ABLIM1: variants seen among roughly 807,000 people sequenced by gnomAD.
ABLIM1 encodes actin binding LIM protein 1, also known as actin-binding LIM protein 1.
In ABLIM1, 40 loss-of-function variants were observed where a neutral mutation model predicts 107.0. The observed-to-expected ratio is 0.37, with a 90% CI of 0.29 to 0.49. The LOEUF (loss-of-function observed/expected upper bound fraction) is 0.49, where lower values mean the gene tolerates loss of function less well. Among genes scored for constraint, ABLIM1 ranks in the 20% least tolerant of loss-of-function variants. ABLIM1 has a pLI of 0.97. For missense variants in ABLIM1, 857 were observed against 1,008.5 expected (o/e 0.85, Z 2.04); for synonymous variants, 357 against 357.3 (o/e 1.00, Z 0.01).
chr10:114,480,903 GGA>G (rs2134347289), intron 8 of ABLIM1, among the ~76,000 whole-genome samples: 1 of 152,304 alleles, frequency 6.6e-6, no homozygotes, highest in South Asian at 2.1e-4. Flanking sequence ...CAGTTCAACA[GGA>G]GAGATAAAAC....
rs115966261 is a variant in ABLIM1, at chr10:114,617,047, T to C, written c.245-15086A>G. Reference sequence around the variant, plus strand: ...TCATTTATAAACACGACTTACTTTTTAGGCAAACCTATGAAATCCTGAAGC... The same window carrying C: ...TCATTTATAAACACGACTTACTTTTCAGGCAAACCTATGAAATCCTGAAGC... On this transcript the variant is annotated intron_variant, in intron 1 of 22. Coordinates refer to ENST00000533213, the MANE Select transcript of ABLIM1 (RefSeq NM_002313.7). 6.6e-3 allele frequency among the ~76,000 whole-genome samples: 1,011 copies of C among 152,290 alleles called. 12 individuals are homozygous for C. Among genetic ancestry groups the C allele is most frequent in the African/African-American group, 0.023 (964 of 41,562 alleles).
chr10:114,537,363 C>T (rs918879297), intron 6 of ABLIM1, among the ~76,000 whole-genome samples: 1 of 152,012 alleles, frequency 6.6e-6, no homozygotes, highest in Admixed American at 6.6e-5. Flanking sequence ...GTATTTATCA[C>T]CTTCAGTATT....
intron 2 of ABLIM1, among the ~76,000 whole-genome samples, chr10:114,592,695 T>C (rs951354581): frequency 6.6e-6 from 1 of 152,112 alleles, no homozygotes; most frequent in Non-Finnish European, 1.5e-5. Flanking sequence ...TAATGATAAA[T>C]GGTCAGATTT....
chr10:114,603,340 C>G (rs1262823013), intron 1 of ABLIM1, among the ~76,000 whole-genome samples: 1 of 152,150 alleles, frequency 6.6e-6, no homozygotes, highest in East Asian at 1.9e-4. Context: ...TAGCTAACTT[C>G]TGAGAAACAA....
At chr10:114,674,365 G>C (rs944328635) in intron 1 of ABLIM1, among the ~76,000 whole-genome samples, 3 of 151,540 alleles carry the variant, frequency 2.0e-5, no homozygotes, top group African/African-American at 7.3e-5. Context: ...CAATTCCTAA[G>C]AATCAGTTTA....
intron 1 of ABLIM1, among the ~76,000 whole-genome samples, chr10:114,755,563 T>C (rs1450958285): frequency 6.6e-6 from 1 of 152,226 alleles, no homozygotes; most frequent in East Asian, 1.9e-4. Context: ...AGAAAAGCTC[T>C]ACGCGTTTGT....
intron 2 of ABLIM1, among the ~76,000 whole-genome samples, chr10:114,594,665 G>C (rs920631299): frequency 2.6e-5 from 4 of 152,134 alleles, no homozygotes; most frequent in Non-Finnish European, 5.9e-5. Flanking sequence ...CAGGGGAATC[G>C]TTTGAACCTG....
At chr10:114,799,753 T>C in the ABLIM1 span, among the ~76,000 whole-genome samples, 1 of 152,168 alleles carries the variant, frequency 6.6e-6, no homozygotes. Context: ...CCACAGTCTA[T>C]TTGCCACATG....
intron 6 of ABLIM1, chr10:114,527,047 C>A: frequency 2.3e-6 from 2 of 875,338 alleles, no homozygotes; most frequent in Non-Finnish European, 1.4e-6. Flanking sequence ...AGTACCATTT[C>A]TTTGCATTCA....
At chr10:114,495,659 C>T (rs1336314023) in intron 6 of ABLIM1, among the ~76,000 whole-genome samples, 9 of 152,072 alleles carry the variant, frequency 5.9e-5, no homozygotes, top group Non-Finnish European at 1.3e-4. Flanking sequence ...GATGGTAGTG[C>T]TGGTGATGAT....
At chr10:114,624,317 A>T (rs2077650902) in intron 1 of ABLIM1, among the ~76,000 whole-genome samples, 1 of 152,218 alleles carries the variant, frequency 6.6e-6, no homozygotes, top group Non-Finnish European at 1.5e-5. Flanking sequence ...AGGGCTGTGA[A>T]TGCGATGGCA....
At chr10:114,796,857 G>T in the ABLIM1 span, among the ~76,000 whole-genome samples, 1 of 152,266 alleles carries the variant, frequency 6.6e-6, no homozygotes, top group Non-Finnish European at 1.5e-5. Flanking sequence ...CTGGGCCATG[G>T]GACAGTTGTT....
intron 6 of ABLIM1, among the ~76,000 whole-genome samples, chr10:114,534,089 G>A (rs756806707): frequency 1.1e-4 from 17 of 152,126 alleles, no homozygotes; most frequent in Admixed American, 5.2e-4. Context: ...CACCTCTGTC[G>A]GGTAGGTGGG....
In ABLIM1 at chr10:114,594,748, T is replaced by TCAAAA. The variant is rs559001957; in HGVS notation, c.379+7074_379+7078dup. ...CTGGACAACAGAGTGAGACTCTGTC[T>TCAAAA]CAAAACAAAACAAAACAAAACAAAT... On this transcript the variant is annotated intron_variant, in intron 2 of 22. Transcript: ENST00000533213. Among the ~76,000 whole-genome samples the TCAAAA allele has an allele frequency of 2.4e-4, 37 of 152,274 alleles. No individual in the cohort carries two copies. The South Asian group carries it at 5.4e-3, about 22-fold the overall frequency.
In ABLIM1 at chr10:114,444,530, A is replaced by G. The variant is rs541867908; in HGVS notation, c.1828-396T>C. Reference sequence around the variant, plus strand: ...TTGTTTAAAAACAAGAAATAAAGGTAATACATGCTAATTTTACAGATTTTG... The same window carrying G: ...TTGTTTAAAAACAAGAAATAAAGGTGATACATGCTAATTTTACAGATTTTG... On this transcript the variant is annotated intron_variant, in intron 16 of 22. Transcript: ENST00000533213. 3.8e-4 allele frequency among the ~76,000 whole-genome samples: 58 copies of G among 152,332 alleles called. 1 individual carries two copies. In the South Asian group the frequency reaches 0.011, roughly 29 times the overall value.
At chr10:114,779,706 T>C in the ABLIM1 span, 1 of 152,240 alleles carries the variant, frequency 6.6e-6, no homozygotes, top group East Asian at 1.9e-4. Flanking sequence ...TCTTTGAATG[T>C]TGCATAGTAT....
At chr10:114,644,300 AAAAAAAATATAT>A (rs2078893797) in intron 1 of ABLIM1, among the ~76,000 whole-genome samples, 1 of 90,844 alleles carries the variant, frequency 1.1e-5, no homozygotes, top group African/African-American at 5.7e-5. Flanking sequence ...AAAAAAAAAA[AAAAAAAATATAT>A]ATATATATAT....
chr10:114,755,437 G>A (rs189701553), intron 1 of ABLIM1, among the ~76,000 whole-genome samples: 24 of 152,252 alleles, frequency 1.6e-4, no homozygotes, highest in Non-Finnish European at 3.2e-4. Context: ...GAATATTTCA[G>A]ATACCAAGTG....
chr10:114,542,709 T>C (rs2066856992), intron 6 of ABLIM1, among the ~76,000 whole-genome samples: 1 of 152,030 alleles, frequency 6.6e-6, no homozygotes, highest in South Asian at 2.1e-4. Context: ...AACTCAGGAA[T>C]CCCAAGGGAA....
Sources: allele counts gnomAD v4.1 joint callset (sites outside exome capture counted in the v4.1 genomes callset), GRCh38; gene constraint gnomAD v4.1.1; transcripts MANE v1.5; gene names NCBI Gene and HGNC (gene_info 2026-07-23, HGNC 2026-07-21).